The following GRIA4 variants were observed in gnomAD, a reference collection of about 807,000 sequenced individuals.
GRIA4 encodes glutamate receptor 4.
GRIA4 carries 34 observed loss-of-function variants against 104.0 expected under a neutral mutation model. The ratio of observed to expected loss-of-function variants is 0.33; its 90% CI spans 0.25 to 0.44. The LOEUF (loss-of-function observed/expected upper bound fraction) is 0.44. GRIA4 is among the 20% of genes least tolerant of loss of function. GRIA4 has a pLI of 1.00. For synonymous variants in GRIA4, 386 were observed against 381.9 expected (o/e 1.01, Z -0.13); for missense variants, 750 against 1,096.5 (o/e 0.68, Z 4.46).
chr11:105,894,394 G>A (rs931766609), intron 6 of GRIA4, among the ~76,000 whole-genome samples: 2 of 151,976 alleles, frequency 1.3e-5, no homozygotes, highest in Admixed American at 1.3e-4. Flanking sequence ...TTAGGATAAG[G>A]CCAATAATAG....
intron 5 of GRIA4, among the ~76,000 whole-genome samples, chr11:105,886,077 T>C (rs1946243692): frequency 6.6e-6 from 1 of 152,104 alleles, no homozygotes; most frequent in South Asian, 2.1e-4. Context: ...AGAAAGAAGG[T>C]CTTGAATGCA....
Position 105,685,057 on chromosome 11 carries a change from T to C in GRIA4, c.248-67924T>C, listed in dbSNP as rs12417399. ...CAATATTCCTGTTATGCCTGAGTAGTGGTATTCATGATTACGTAGCACATC... is the reference window on the plus strand; with the variant it reads ...CAATATTCCTGTTATGCCTGAGTAGCGGTATTCATGATTACGTAGCACATC... On this transcript the variant is annotated intron_variant, in intron 3 of 16. Coordinates refer to ENST00000282499, the MANE Select transcript of GRIA4 (RefSeq NM_000829.4). Among the ~76,000 whole-genome samples the C allele has an allele frequency of 6.0e-4, 91 of 151,642 alleles. No individual in the cohort carries two copies. The East Asian group carries it at 7.0e-3, about 12-fold the overall frequency.
intron 4 of GRIA4, among the ~76,000 whole-genome samples, chr11:105,800,961 CAATT>C (rs1942695786): frequency 6.6e-6 from 1 of 151,860 alleles, no homozygotes; most frequent in South Asian, 2.1e-4. Context: ...GAACCTAAAT[CAATT>C]AACATAAAGT....
At chr11:105,786,970 G>A (rs1250728206) in intron 4 of GRIA4, among the ~76,000 whole-genome samples, 3 of 152,120 alleles carry the variant, frequency 2.0e-5, no homozygotes, top group South Asian at 2.1e-4. Context: ...GACAGGCATT[G>A]TTCTCTGACT....
At chr11:105,757,015 T>A (rs1340634021) in intron 4 of GRIA4, among the ~76,000 whole-genome samples, 1 of 152,208 alleles carries the variant, frequency 6.6e-6, no homozygotes, top group East Asian at 1.9e-4. Flanking sequence ...AAAATAACAA[T>A]GGAGCTTCCT....
Position 105,813,705 on chromosome 11 carries a change from T to C in GRIA4, c.488-48319T>C, listed in dbSNP as rs576917134. On this transcript the variant is annotated intron_variant, in intron 4 of 16. Coordinates refer to ENST00000282499, the MANE Select transcript of GRIA4 (RefSeq NM_000829.4). ...ACCCATCTAACCCCTCATTTTCTTATTGGTATAAAATAGGATTCCAGTAGT... is the reference window on the plus strand; with the variant it reads ...ACCCATCTAACCCCTCATTTTCTTACTGGTATAAAATAGGATTCCAGTAGT... 5.9e-5 allele frequency among the ~76,000 whole-genome samples: 9 copies of C among 152,294 alleles called. No homozygotes were observed. In the South Asian group the frequency reaches 1.7e-3, roughly 28 times the overall value.
At chr11:105,672,130 G>T (rs1952393804) in intron 3 of GRIA4, among the ~76,000 whole-genome samples, 1 of 152,036 alleles carries the variant, frequency 6.6e-6, no homozygotes, top group Non-Finnish European at 1.5e-5. Flanking sequence ...TTAATTGAGG[G>T]TAAATAACAT....
At chr11:105,639,173 A>C (rs1951289192) in intron 3 of GRIA4, among the ~76,000 whole-genome samples, 1 of 152,118 alleles carries the variant, frequency 6.6e-6, no homozygotes, top group African/African-American at 2.4e-5. Context: ...TGTCAGATCT[A>C]ATTTAGTGTT....
At chr11:105,775,673 A>T (rs1941416969) in intron 4 of GRIA4, among the ~76,000 whole-genome samples, 1 of 152,126 alleles carries the variant, frequency 6.6e-6, no homozygotes. Context: ...ATAAGCAGTC[A>T]TTCCATAAAA....
chr11:105,780,289 GA>G (rs1279340857), intron 4 of GRIA4, among the ~76,000 whole-genome samples: 4 of 152,132 alleles, frequency 2.6e-5, no homozygotes, highest in African/African-American at 7.2e-5. Context: ...CTGAATAATA[GA>G]AACATGAAAT....
chr11:105,936,439 T>C (rs895576007), intron 14 of GRIA4, among the ~76,000 whole-genome samples: 1 of 152,210 alleles, frequency 6.6e-6, no homozygotes, highest in Non-Finnish European at 1.5e-5. Context: ...TAGTTCTGGA[T>C]GTAGTGAGAC....
intron 5 of GRIA4, among the ~76,000 whole-genome samples, chr11:105,884,549 TTTTCCCAGCCAGGA>T (rs1288191369): frequency 1.3e-4 from 20 of 152,306 alleles, no homozygotes; most frequent in Admixed American, 2.6e-4. Context: ...ACATTTGTTT[TTTTCCCAGCCAGGA>T]TCTGGCTCAG....
At chr11:105,836,053 G>A (rs915064036) in intron 4 of GRIA4, among the ~76,000 whole-genome samples, 1 of 152,066 alleles carries the variant, frequency 6.6e-6, no homozygotes, top group Non-Finnish European at 1.5e-5. Context: ...TAAAATTTCA[G>A]TTCAGTAATT....
At chr11:105,799,916 G>A (rs1262198200) in intron 4 of GRIA4, among the ~76,000 whole-genome samples, 5 of 152,062 alleles carry the variant, frequency 3.3e-5, no homozygotes, top group Admixed American at 6.6e-5. Context: ...CTGTTAAGAC[G>A]TAGGCTCAGA....
At chr11:105,717,120 A>C (rs1343982947) in intron 3 of GRIA4, among the ~76,000 whole-genome samples, 1 of 152,108 alleles carries the variant, frequency 6.6e-6, no homozygotes, top group Non-Finnish European at 1.5e-5. Context: ...AATGAGGTTA[A>C]CATTATCTTC....
Position 105,612,261 on chromosome 11 carries a change from T to C in GRIA4, c.89-15T>C. ...GAGGAAACAGTGAATGTGCTTTTCCTGCTGTTTTTAATAGGTGGTCTCTTC... is the reference window on the plus strand; with the variant it reads ...GAGGAAACAGTGAATGTGCTTTTCCCGCTGTTTTTAATAGGTGGTCTCTTC... On this transcript the variant is annotated splice_polypyrimidine_tract_variant and intron_variant, in intron 2 of 16. Transcript: ENST00000282499. The C allele has an allele frequency of 6.2e-7, 1 of 1,613,360 alleles. No individual in the cohort carries two copies. Among genetic ancestry groups the C allele is most frequent in the Non-Finnish European group, 8.5e-7 (1 of 1,179,306 alleles).
chr11:105,612,538 T>C, intron 3 of GRIA4, 104 bp downstream of exon 3: 1 of 869,928 alleles, frequency 1.1e-6, no homozygotes, highest in Non-Finnish European at 1.7e-6. Context: ...ATTTCAAGAT[T>C]CCCACAGTTG....
chr11:105,812,227 T>G (rs541386896), intron 4 of GRIA4, among the ~76,000 whole-genome samples: 1 of 152,340 alleles, frequency 6.6e-6, no homozygotes, highest in African/African-American at 2.4e-5. Flanking sequence ...CACTTGCTGG[T>G]GGAATCCCTT....
At chr11:105,710,682 A>G (rs1036686465) in intron 3 of GRIA4, among the ~76,000 whole-genome samples, 5 of 152,170 alleles carry the variant, frequency 3.3e-5, no homozygotes, top group Non-Finnish European at 5.9e-5. Context: ...CACTTAGCCA[A>G]TAACAAGTCT....
Sources: gnomAD v4.1 joint callset for allele counts (sites outside exome capture counted in the v4.1 genomes callset) on GRCh38, gnomAD v4.1.1 for gene constraint, MANE v1.5 for transcripts, NCBI Gene and HGNC (gene_info 2026-07-23, HGNC 2026-07-21) for gene names.